Variants in DNAJC11 observed in about 807,000 individuals in gnomAD.
DNAJC11 encodes DnaJ heat shock protein family (Hsp40) member C11.
Under a neutral mutation model 78.6 loss-of-function variants are expected in DNAJC11, and 15 were observed. That is an observed-to-expected ratio of 0.19 (90% CI 0.13 to 0.29). The LOEUF (loss-of-function observed/expected upper bound fraction) is 0.29. Ranked by LOEUF, DNAJC11 falls within the 10% of genes least tolerant of loss-of-function variation. The pLI is 1.00. For synonymous variants in DNAJC11, 292 were observed against 272.1 expected (o/e 1.07, Z -0.72); for missense variants, 547 against 709.6 (o/e 0.77, Z 2.60).
rs537766404 is a variant in DNAJC11 at position 6,639,763 on chromosome 1, C to T, written c.1253+139G>A. 5.8e-6 allele frequency: 5 copies of T among 869,522 alleles called. No individual in the cohort carries two copies. In the Admixed American group the frequency reaches 1.6e-4, roughly 28 times the overall value. 53.9% of individuals were successfully genotyped at this position (869,522 alleles called of 1,614,324 possible). A position where few individuals can be genotyped will look rare whatever the true frequency, so the allele number is the denominator to read the frequency against. Reference sequence around the variant, plus strand: ...TACCAATCGTGACCCAGACATCAGCCTAAGTGCTTTACATGCATTACTTAA... The same window carrying T: ...TACCAATCGTGACCCAGACATCAGCTTAAGTGCTTTACATGCATTACTTAA... On this transcript the variant is annotated intron_variant, in intron 11 of 15. Coordinates refer to ENST00000377577, the MANE Select transcript of DNAJC11 (RefSeq NM_018198.4).
intron 1 of DNAJC11, among the ~76,000 whole-genome samples, chr1:6,691,302 G>C (rs184574444): frequency 1.3e-5 from 2 of 151,794 alleles, no homozygotes; most frequent in Non-Finnish European, 2.9e-5. Flanking sequence ...AGAACAAATG[G>C]GCCCAAGGTG....
chr1:6,639,680 A>G (rs1228625983), intron 11 of DNAJC11, among the ~76,000 whole-genome samples: 1 of 152,210 alleles, frequency 6.6e-6, no homozygotes, highest in Non-Finnish European at 1.5e-5. Context: ...AGTAAGATTT[A>G]CAAACGAAGA....
chr1:6,688,351 T>A (rs556846657), intron 1 of DNAJC11, among the ~76,000 whole-genome samples: 1 of 152,206 alleles, frequency 6.6e-6, no homozygotes, highest in Non-Finnish European at 1.5e-5. Flanking sequence ...TAGAATTTGA[T>A]TGCTAAAATT....
chr1:6,647,033 G>A (rs1641976388), intron 7 of DNAJC11, among the ~76,000 whole-genome samples: 1 of 149,516 alleles, frequency 6.7e-6, no homozygotes, highest in Non-Finnish European at 1.5e-5. Context: ...GGCACGCCCT[G>A]TAGTCTCAGC....
chr1:6,700,815 TGA>T (rs1344430543), intron 1 of DNAJC11, among the ~76,000 whole-genome samples: 1 of 152,176 alleles, frequency 6.6e-6, no homozygotes, highest in Non-Finnish European at 1.5e-5. Context: ...CTGGAAAACC[TGA>T]GAGATGGAAT....
intron 6 of DNAJC11, among the ~76,000 whole-genome samples, chr1:6,652,364 C>G (rs1557471875): frequency 6.6e-6 from 1 of 152,156 alleles, no homozygotes; most frequent in Admixed American, 6.6e-5. Flanking sequence ...TCATAGGAAA[C>G]CTTGTTTTTC....
At chr1:6,678,878 G>A (rs1402879207) in intron 2 of DNAJC11, among the ~76,000 whole-genome samples, 1 of 152,148 alleles carries the variant, frequency 6.6e-6, no homozygotes, top group African/African-American at 2.4e-5. Flanking sequence ...CGAATTCCTG[G>A]CCTTAAATGA....
chr1:6,637,532 A>G (rs761017526), intron 12 of DNAJC11, 28 bp from the exon 13 acceptor site: 1 of 1,613,948 alleles, frequency 6.2e-7, no homozygotes, highest in Non-Finnish European at 8.5e-7. Flanking sequence ...TGACACAGTC[A>G]GGGCCCTGCC....
chr1:6,679,625 C>T (rs1269902106), intron 2 of DNAJC11, among the ~76,000 whole-genome samples: 1 of 152,144 alleles, frequency 6.6e-6, no homozygotes, highest in African/African-American at 2.4e-5. Flanking sequence ...AATGCTGGCC[C>T]CTGGAAAACA....
Position 6,634,634 on chromosome 1 carries a change from G to A in DNAJC11, c.*1041C>T, listed in dbSNP as rs1304174177. ...CCTCACGTAACTTTACTGCAGCCGA[G>A]GTCCAGGCCGTGGAGGGGGTCCTAG... On this transcript the variant is annotated 3_prime_UTR_variant, in exon 16 of 16. Transcript: ENST00000377577. 7.3e-7 allele frequency: 1 copy of A among 1,366,496 alleles called. No individual in the cohort carries two copies. 84.6% of individuals were successfully genotyped at this position (1,366,496 alleles called of 1,614,324 possible).
intron 3 of DNAJC11, 119 bp from the exon 4 acceptor site, chr1:6,667,929 CT>C: frequency 1.1e-6 from 1 of 908,782 alleles, no homozygotes; most frequent in Non-Finnish European, 1.8e-6. Flanking sequence ...CGGCCACAGC[CT>C]TTCCTCAGGA....
chr1:6,637,321 G>A lies in DNAJC11; in HGVS notation c.1401C>T (p.Ala467=). ...TGTCATTGACAAACTTCCCGTACCA[G>A]GCATTGACGATGATGAGGCCTAAGG... ...ESRMGLIIVN[A]WYGKFVNDKS... is the part of the protein sequence containing the mutation. Residue 467 remains alanine, a synonymous_variant, in exon 14 of 16, where the codon GCC becomes GCT. Transcript: ENST00000377577. 1 of 1,614,184 alleles carries A rather than the reference G, an allele frequency of 6.2e-7. No individual in the cohort carries two copies. The highest frequency in any genetic ancestry group is 8.5e-7 in the Non-Finnish European group (1 of 1,180,028).
chr1:6,644,942 G>C (rs927416277), intron 9 of DNAJC11, 99 bp downstream of exon 9: 15 of 1,149,138 alleles, frequency 1.3e-5, no homozygotes, highest in Non-Finnish European at 2.0e-5. Context: ...CACACACGTA[G>C]ATATTCACAC....
At chr1:6,663,232 T>C (rs1163629537) in intron 4 of DNAJC11, among the ~76,000 whole-genome samples, 1 of 152,178 alleles carries the variant, frequency 6.6e-6, no homozygotes, top group African/African-American at 2.4e-5. Flanking sequence ...CAAACTATTT[T>C]GTCATAGGGT....
intron 1 of DNAJC11, among the ~76,000 whole-genome samples, chr1:6,682,824 T>G (rs1336837246): frequency 6.6e-6 from 1 of 152,056 alleles, no homozygotes; most frequent in African/African-American, 2.4e-5. Flanking sequence ...CCTGGAAGGC[T>G]GAGGTGGGAG....
chr1:6,635,542 T>C lies in DNAJC11; in HGVS notation c.*133A>G, dbSNP rs1641747009. 9.8e-7 allele frequency: 1 copy of C among 1,021,890 alleles called. No individual in the cohort carries two copies. The highest frequency in any genetic ancestry group is 1.6e-5 in the African/African-American group (1 of 61,424). The allele number at this position is 1,021,890 out of a possible 1,614,324, so 63.3% of individuals were successfully genotyped here. Reference sequence around the variant, plus strand: ...GTGTCTGCATGTCCCTTCACATAATTGATAATGGTACCACCTTCTATAATA... The same window carrying C: ...GTGTCTGCATGTCCCTTCACATAATCGATAATGGTACCACCTTCTATAATA... On this transcript the variant is annotated 3_prime_UTR_variant, in exon 16 of 16. Transcript: ENST00000377577.
intron 1 of DNAJC11, among the ~76,000 whole-genome samples, chr1:6,701,519 G>A (rs530236618): frequency 7.9e-4 from 120 of 152,310 alleles, no homozygotes; most frequent in Non-Finnish European, 1.4e-3. Flanking sequence ...AGGAGCTGGG[G>A]CGGAGGCTGG....
At chr1:6,655,552 G>C (rs1642113748) in intron 4 of DNAJC11, among the ~76,000 whole-genome samples, 1 of 152,224 alleles carries the variant, frequency 6.6e-6, no homozygotes, top group Non-Finnish European at 1.5e-5. Context: ...GCCAGGTGTG[G>C]TGGCTAATAC....
chr1:6,675,789 G>T (rs941960781), intron 3 of DNAJC11, among the ~76,000 whole-genome samples: 1 of 152,122 alleles, frequency 6.6e-6, no homozygotes, highest in African/African-American at 2.4e-5. Flanking sequence ...AGATAATCTG[G>T]TCTGATGAGA....
Sources: gnomAD v4.1 joint callset for allele counts (sites outside exome capture counted in the v4.1 genomes callset) on GRCh38, gnomAD v4.1.1 for gene constraint, MANE v1.5 for transcripts, NCBI Gene and HGNC (gene_info 2026-07-23, HGNC 2026-07-21) for gene names.